The following HDGFL2 variants were observed in gnomAD, a reference collection of about 807,000 sequenced individuals.
The protein encoded by HDGFL2 is hepatoma-derived growth factor-related protein 2.
HDGFL2 carries 36 observed loss-of-function variants against 77.1 expected under a neutral mutation model. That is an observed-to-expected ratio of 0.47 (90% CI 0.36 to 0.62). The LOEUF (loss-of-function observed/expected upper bound fraction) is 0.62, where lower values mean the gene tolerates loss of function less well. Among genes scored for constraint, HDGFL2 ranks in the 20% least tolerant of loss-of-function variants. The pLI is 0.00. For synonymous variants in HDGFL2, 463 were observed against 413.1 expected (o/e 1.12, Z -1.46); for missense variants, 976 against 973.4 (o/e 1.00, Z -0.04).
chr19:4,500,847 G>A (rs1157560410), intron 14 of HDGFL2, among the ~76,000 whole-genome samples: 2 of 152,112 alleles, frequency 1.3e-5, no homozygotes, highest in African/African-American at 4.8e-5. Flanking sequence ...GCTCAAGTGA[G>A]CCTCACGTCT....
chr19:4,493,883 C>G (rs772995565), intron 7 of HDGFL2, 21 bp downstream of exon 7: 1 of 1,506,424 alleles, frequency 6.6e-7, no homozygotes, highest in South Asian at 1.3e-5. Flanking sequence ...CGTGCTCGCA[C>G]ATCTCTTGGC....
At position 4,483,690 on chromosome 19, in the gene HDGFL2, A is replaced by G. The variant is rs567749059; in HGVS notation, c.289-4986A>G. ...CCATTCTCACACCCTTATCTCCTCC[A>G]CCTTGCTCTCTCCTGGACACCATGC... is the stretch of plus-strand genomic sequence containing the variant. On this transcript the variant is annotated intron_variant, in intron 3 of 15. Transcript: ENST00000616600. Among the ~76,000 whole-genome samples the G allele has an allele frequency of 7.0e-5, 10 of 142,556 alleles. No individual in the cohort carries two copies. In the South Asian group the frequency reaches 2.2e-3, roughly 32 times the overall value. 93.5% of individuals were successfully genotyped at this position (142,556 alleles called of 152,430 possible). A position where few individuals can be genotyped will look rare whatever the true frequency, so the allele number is the denominator to read the frequency against.
At chr19:4,479,830 C>T (rs1486566391) in intron 3 of HDGFL2, among the ~76,000 whole-genome samples, 1 of 150,652 alleles carries the variant, frequency 6.6e-6, no homozygotes, top group African/African-American at 2.5e-5. Context: ...CTCTTGAACC[C>T]GGGAGGCGGA....
intron 9 of HDGFL2, among the ~76,000 whole-genome samples, chr19:4,494,714 C>G (rs1472109313): frequency 6.6e-6 from 1 of 151,964 alleles, no homozygotes; most frequent in South Asian, 2.1e-4. Context: ...GAGTCCAGCT[C>G]GAGACCAGCC....
At chr19:4,487,191 C>T (rs1399014399) in intron 3 of HDGFL2, among the ~76,000 whole-genome samples, 4 of 152,180 alleles carry the variant, frequency 2.6e-5, no homozygotes, top group Non-Finnish European at 5.9e-5. Flanking sequence ...AGGTCTTAAA[C>T]TCCTGACCTC....
In HDGFL2 at chr19:4,476,788, G is replaced by A. The variant is rs557830240; in HGVS notation, c.288+1205G>A. On this transcript the variant is annotated intron_variant, in intron 3 of 15. Coordinates refer to ENST00000616600, the MANE Select transcript of HDGFL2 (RefSeq NM_001001520.3). ...AAGGCAGTGGAAGGATGGGAGAAAGGTGCCTTACTCTGAGTATTCTGGGGT... is the reference window on the plus strand; with the variant it reads ...AAGGCAGTGGAAGGATGGGAGAAAGATGCCTTACTCTGAGTATTCTGGGGT... Among the ~76,000 whole-genome samples the A allele has an allele frequency of 2.2e-4, 34 of 152,026 alleles. No homozygotes were observed. In the Middle Eastern group the frequency reaches 0.01, roughly 46 times the overall value.
chr19:4,476,049 C>T (rs1975064747), intron 3 of HDGFL2, among the ~76,000 whole-genome samples: 1 of 151,884 alleles, frequency 6.6e-6, no homozygotes, highest in Admixed American at 6.6e-5. Flanking sequence ...GCCACCACAC[C>T]CGGCTAATTT....
At chr19:4,475,139 C>T (rs1216317187) in intron 1 of HDGFL2, 136 bp from the exon 2 acceptor site, 7 of 688,940 alleles carry the variant, frequency 1.0e-5, no homozygotes, top group African/African-American at 3.6e-5. Flanking sequence ...AGCTTCCCAT[C>T]GGGAAGGGGC....
Position 4,498,391 on chromosome 19 carries a change from G to T in HDGFL2, c.1473+15G>T. On this transcript the variant is annotated intron_variant, in intron 12 of 15. Transcript: ENST00000616600. ...TCGACAGCCCGGTAAGACCCTCAGGGCCTGTGAGCCAAGCAGTCCCCGCTG... is the reference window on the plus strand; with the variant it reads ...TCGACAGCCCGGTAAGACCCTCAGGTCCTGTGAGCCAAGCAGTCCCCGCTG... The T allele has an allele frequency of 1.2e-6, 2 of 1,605,864 alleles. No homozygotes were observed. Among genetic ancestry groups the T allele is most frequent in the Non-Finnish European group, 1.7e-6 (2 of 1,173,222 alleles).
chr19:4,497,944 G>A lies in HDGFL2; in HGVS notation c.1329-14G>A, dbSNP rs1479144811. ...CGGTGACGGGGCCCGACTGAGGGGA[G>A]CACTTCTCCACAGGCCCGTGAAGGT... On this transcript the variant is annotated splice_polypyrimidine_tract_variant and intron_variant, in intron 10 of 15. Transcript: ENST00000616600. 1.9e-6 allele frequency: 3 copies of A among 1,550,958 alleles called. No homozygotes were observed. Among genetic ancestry groups the A allele is most frequent in the Non-Finnish European group, 2.6e-6 (3 of 1,146,524 alleles).
At chr19:4,475,400 G>A in intron 2 of HDGFL2, 45 bp from the exon 3 acceptor site, 1 of 1,613,974 alleles carries the variant, frequency 6.2e-7, no homozygotes, top group Non-Finnish European at 8.5e-7. Context: ...TGCCTCCCGG[G>A]GTGGCCTCAC....
At chr19:4,498,659 TC>T (rs1433019116) in intron 12 of HDGFL2, among the ~76,000 whole-genome samples, 154 bp from the exon 13 acceptor site, 2 of 151,960 alleles carry the variant, frequency 1.3e-5, no homozygotes, top group Non-Finnish European at 2.9e-5. Context: ...TCCCTGGAGT[TC>T]CCCGTCAACT....
chr19:4,485,332 G>T (rs1404180344), intron 3 of HDGFL2, among the ~76,000 whole-genome samples: 1 of 152,156 alleles, frequency 6.6e-6, no homozygotes, highest in Non-Finnish European at 1.5e-5. Flanking sequence ...TGTGGCCTGG[G>T]TCAGAGCCTC....
intron 3 of HDGFL2, among the ~76,000 whole-genome samples, chr19:4,485,011 T>G (rs991749977): frequency 6.6e-6 from 1 of 152,030 alleles, no homozygotes; most frequent in African/African-American, 2.4e-5. Flanking sequence ...TTTCACTGTG[T>G]TAGCCAGGAT....
intron 3 of HDGFL2, among the ~76,000 whole-genome samples, chr19:4,481,889 C>G (rs916655171): frequency 3.3e-5 from 5 of 152,062 alleles, no homozygotes; most frequent in Admixed American, 3.3e-4. Flanking sequence ...TATTTGGGAA[C>G]AGAGAGGCAA....
chr19:4,498,945 G>A (rs778622113), intron 13 of HDGFL2, 30 bp downstream of exon 13: 1 of 1,493,866 alleles, frequency 6.7e-7, no homozygotes, highest in Non-Finnish European at 9.2e-7. Flanking sequence ...GGCGCAGGGT[G>A]CAGTCGGGGG....
At chr19:4,492,299 G>C (rs1041189820) in intron 6 of HDGFL2, among the ~76,000 whole-genome samples, 1 of 151,030 alleles carries the variant, frequency 6.6e-6, no homozygotes, top group African/African-American at 2.4e-5. Context: ...TGTGTAGATT[G>C]TGCATGTGTG....
intron 3 of HDGFL2, among the ~76,000 whole-genome samples, chr19:4,484,176 C>T (rs945984491): frequency 1.3e-5 from 2 of 150,666 alleles, no homozygotes; most frequent in Admixed American, 6.6e-5. Context: ...CTCTGCCTCC[C>T]AGGTTCAAGT....
rs116680130 is a variant in HDGFL2 at position 4,494,569 on chromosome 19, C to T, written c.1224+94C>T. 5.6e-4 allele frequency: 553 copies of T among 990,588 alleles called. 3 individuals are homozygous for T. In the African/African-American group the frequency reaches 8.3e-3, roughly 15 times the overall value. 61.4% of individuals were successfully genotyped at this position (990,588 alleles called of 1,614,324 possible). On this transcript the variant is annotated intron_variant, in intron 9 of 15. Transcript: ENST00000616600. Reference sequence around the variant, plus strand: ...AGGCAGTATCCCAGGTTCCGGGACCCATCAAGAAAGCAGTGCGTGGGCCCA... The same window carrying T: ...AGGCAGTATCCCAGGTTCCGGGACCTATCAAGAAAGCAGTGCGTGGGCCCA...
Sources: allele counts gnomAD v4.1 joint callset (sites outside exome capture counted in the v4.1 genomes callset), GRCh38; gene constraint gnomAD v4.1.1; transcripts MANE v1.5; gene names NCBI Gene and HGNC (gene_info 2026-07-23, HGNC 2026-07-21).